Variants in LRSAM1 observed in about 807,000 individuals in gnomAD.
The protein encoded by LRSAM1 is E3 ubiquitin-protein ligase LRSAM1.
Under a neutral mutation model 118.1 loss-of-function variants are expected in LRSAM1, and 96 were observed. That is an observed-to-expected ratio of 0.81 (90% confidence interval 0.69 to 0.96). The LOEUF is 0.96. Ranked by LOEUF, LRSAM1 falls within the 40% of genes least tolerant of loss-of-function variation. The pLI is 0.00. For synonymous variants in LRSAM1, 322 were observed against 364.2 expected (o/e 0.88, Z 1.32); for missense variants, 804 against 915.5 (o/e 0.88, Z 1.57).
chr9:127,487,518 G>C, intron 17 of LRSAM1, 158 bp from the exon 18 acceptor site: 2 of 658,502 alleles, frequency 3.0e-6, no homozygotes, highest in South Asian at 1.6e-5. Context: ...GACAGACTCA[G>C]TGTCTGTGGC....
chr9:127,501,289 G>T, intron 25 of LRSAM1, 146 bp downstream of exon 25: 1 of 1,119,900 alleles, frequency 8.9e-7, no homozygotes, highest in Non-Finnish European at 1.2e-6. Flanking sequence ...AAATAAAGAT[G>T]ACCCCTGGTC....
At chr9:127,488,726 G>A (rs972205920) in intron 18 of LRSAM1, among the ~76,000 whole-genome samples, 6 of 151,146 alleles carry the variant, frequency 4.0e-5, no homozygotes, top group East Asian at 3.9e-4. Flanking sequence ...CCTGAGTAGC[G>A]GAGACCACAG....
chr9:127,466,504 A>ATATATATATATATT (rs1554755061), intron 9 of LRSAM1, among the ~76,000 whole-genome samples: 33 of 24,502 alleles, frequency 1.3e-3, no homozygotes, highest in South Asian at 1.6e-3. Context: ...ATATATATAT[A>ATATATATATATATT]TTTTTTTTTT....
In LRSAM1 at chr9:127,485,623, G is replaced by A. The variant is rs915848461; in HGVS notation, c.1160-113G>A. ...AGATAACTATCAGGTAGGTAACCAG[G>A]TGAGGCCTCAAGGCCTGTTCCTCAG... is the stretch of plus-strand genomic sequence containing the variant. On this transcript the variant is annotated intron_variant, in intron 16 of 25. Coordinates refer to ENST00000300417, the MANE Select transcript of LRSAM1 (RefSeq NM_001005373.4). The A allele has an allele frequency of 6.6e-6, 6 of 915,480 alleles. No homozygotes were observed. The Admixed American group carries it at 8.5e-5, about 13-fold the overall frequency. The allele number at this position is 915,480 out of a possible 1,614,324, so 56.7% of individuals were successfully genotyped here.
At chr9:127,501,984 G>A (rs1836409798) in intron 25 of LRSAM1, among the ~76,000 whole-genome samples, 1 of 152,236 alleles carries the variant, frequency 6.6e-6, no homozygotes, top group African/African-American at 2.4e-5. Context: ...TTTGAGCGGA[G>A]CTTGGATCAG....
intron 10 of LRSAM1, among the ~76,000 whole-genome samples, chr9:127,471,472 TAAAAAA>T (rs71380064): frequency 1.6e-4 from 11 of 68,042 alleles, no homozygotes; most frequent in Admixed American, 4.2e-4. Flanking sequence ...CCTTATGTTA[TAAAAAA>T]AAAAAAAAAA....
intron 16 of LRSAM1, among the ~76,000 whole-genome samples, chr9:127,483,726 C>T (rs1398435753): frequency 2.6e-5 from 4 of 152,090 alleles, no homozygotes; most frequent in East Asian, 1.9e-4. Context: ...TACAGTGGTG[C>T]GATCTTGGCT....
chr9:127,454,654 G>A (rs1834449842), intron 3 of LRSAM1, 55 bp downstream of exon 3: 1 of 1,559,852 alleles, frequency 6.4e-7, no homozygotes, highest in Admixed American at 1.7e-5. Context: ...CGGTCCCCAT[G>A]GAGTAGGCCT....
At chr9:127,453,071 CTTTA>C (rs142386230) in intron 2 of LRSAM1, among the ~76,000 whole-genome samples, 312 of 152,186 alleles carry the variant, frequency 2.1e-3, no homozygotes, top group Middle Eastern at 6.8e-3. Context: ...TACTTCTTCA[CTTTA>C]TTTATTTATT....
chr9:127,451,943 G>A lies in LRSAM1; in HGVS notation c.-174G>A, dbSNP rs1834339578. The A allele has an allele frequency of 6.6e-6, 1 of 152,346 alleles. No homozygotes were observed. Among genetic ancestry groups the A allele is most frequent in the Admixed American group, 6.5e-5 (1 of 15,292 alleles). 9.4% of individuals were successfully genotyped at this position (152,346 alleles called of 1,614,324 possible). ...TCTGTTCCCAGCACCTGCCTTTGAA[G>A]GAGACCAGACTCCGGCTCCGCCCGG... On this transcript the variant is annotated 5_prime_UTR_variant, in exon 2 of 26. Transcript: ENST00000300417.
In LRSAM1 at chr9:127,478,918, CTT is replaced by C; in HGVS notation, c.751-10_751-9del. Reference sequence around the variant, plus strand: ...GCTGCCACCCTCTCTTGACCACTGTCTTTTTTTCCTCCCAGAACAGGTTCTCA... The same window carrying C: ...GCTGCCACCCTCTCTTGACCACTGTCTTTTTCCTCCCAGAACAGGTTCTCA... On this transcript the variant is annotated splice_polypyrimidine_tract_variant and intron_variant, in intron 11 of 25. Transcript: ENST00000300417. 6.2e-7 allele frequency: 1 copy of C among 1,614,048 alleles called. No homozygotes were observed.
intron 7 of LRSAM1, 137 bp from the exon 8 acceptor site, chr9:127,461,036 A>G: frequency 1.8e-6 from 1 of 554,454 alleles, no homozygotes; most frequent in Non-Finnish European, 3.4e-6. Flanking sequence ...TTGTATTTTT[A>G]GTAGAGATGG....
intron 9 of LRSAM1, among the ~76,000 whole-genome samples, chr9:127,466,024 T>C (rs1834910036): frequency 6.6e-6 from 1 of 152,184 alleles, no homozygotes; most frequent in Non-Finnish European, 1.5e-5. Flanking sequence ...TAAGAAACAT[T>C]TCTGCCAGGC....
At position 127,479,842 on chromosome 9, in the gene LRSAM1, C is replaced by T; in HGVS notation, c.907C>T (p.Gln303Ter). ...GGACCCCTACCTCCGGCTGCAGGAG[C>T]AGTCCCGGCTGGAGCAGGGCCTGAG... is the stretch of plus-strand genomic sequence containing the variant. ...DEILQTVKEE[Q>*]SRLEQGLSEH... Residue 303 changes from glutamine to a stop codon, truncating the protein, a stop_gained, in exon 14 of 26, where the codon CAG becomes TAG. Transcript: ENST00000300417. LOFTEE classifies it high-confidence loss of function. The T allele has an allele frequency of 6.2e-7, 1 of 1,611,718 alleles. No individual in the cohort carries two copies. Among genetic ancestry groups the T allele is most frequent in the Non-Finnish European group, 8.5e-7 (1 of 1,178,238 alleles).
rs756306033 is a variant in LRSAM1 at position 127,495,401 on chromosome 9, T to C, written c.1681T>C (p.Leu561=). ...TCAACGGCTTTTGAACCAGAAGCCCTTGTCCTTGAAGCTGCAAGTAAGGAC... is the reference window on the plus strand; with the variant it reads ...TCAACGGCTTTTGAACCAGAAGCCCCTGTCCTTGAAGCTGCAAGTAAGGAC... The part of the protein sequence containing the change: ...QYQRLLNQKP[L]SLKLQEEGME... Residue 561 remains leucine, a synonymous_variant, in exon 22 of 26, where the codon TTG becomes CTG. Coordinates refer to ENST00000300417, the MANE Select transcript of LRSAM1 (RefSeq NM_001005373.4). 2 of 1,613,770 alleles carry C rather than the reference T, an allele frequency of 1.2e-6. No homozygotes were observed. The highest frequency in any genetic ancestry group is 2.7e-5 in the African/African-American group (2 of 74,938).
At position 127,473,842 on chromosome 9, in the gene LRSAM1, C is replaced by T. The variant is rs186724786; in HGVS notation, c.661C>T (p.Pro221Ser). Residue 221 changes from proline (P) to serine (S), a missense_variant, in exon 11 of 26, where the codon CCA (proline) becomes TCA (serine). By Grantham distance (74) the Pro-to-Ser change is moderately conservative. Coordinates refer to ENST00000300417, the MANE Select transcript of LRSAM1 (RefSeq NM_001005373.4). ...EYYPPSQYLL[P>S]ILEQDGIENS... is the part of the protein sequence containing the mutation. ...CTACCCCCCTTCTCAGTACTTGCTG[C>T]CAATTCTGGAGCAAGATGGAATCGA... is the stretch of plus-strand genomic sequence containing the variant. 2 of 1,614,220 alleles carry T rather than the reference C, an allele frequency of 1.2e-6. No homozygotes were observed. The highest frequency in any genetic ancestry group is 4.5e-5 in the East Asian group (2 of 44,886).
At position 127,502,751 on chromosome 9, in the gene LRSAM1, A is replaced by C. The variant is rs181016743; in HGVS notation, c.2047-23A>C. Reference sequence around the variant, plus strand: ...CCTGGAACCCGGTAGGGCCAGCCACATGCTCCCGCTCTCCCTCCCCAGGCC... The same window carrying C: ...CCTGGAACCCGGTAGGGCCAGCCACCTGCTCCCGCTCTCCCTCCCCAGGCC... On this transcript the variant is annotated intron_variant, in intron 25 of 25. Transcript: ENST00000300417. 990 of 1,609,298 alleles carry C rather than the reference A, an allele frequency of 6.2e-4. 5 individuals are homozygous for C. In the African/African-American group the frequency reaches 7.8e-3, roughly 13 times the overall value.
intron 21 of LRSAM1, among the ~76,000 whole-genome samples, chr9:127,493,589 A>G (rs912942279): frequency 1.3e-5 from 2 of 152,032 alleles, no homozygotes; most frequent in Admixed American, 6.6e-5. Context: ...TTTCTAGGCA[A>G]TGCTCTCCGA....
At position 127,451,513 on chromosome 9, in the gene LRSAM1, G is replaced by A. The variant is rs983876913; in HGVS notation, c.-345G>A. 1.5e-6 allele frequency: 1 copy of A among 649,858 alleles called. No homozygotes were observed. Among genetic ancestry groups the A allele is most frequent in the Admixed American group, 2.9e-5 (1 of 34,910 alleles). The allele number at this position is 649,858 out of a possible 1,614,324, so 40.3% of individuals were successfully genotyped here. A position where few individuals can be genotyped will look rare whatever the true frequency, so the allele number is the denominator to read the frequency against. Reference sequence around the variant, plus strand: ...AGACGCCCTTGTCGCCATGTTTGTTGTGGGCAGGCGCCTGAGGCTGACGGC... The same window carrying A: ...AGACGCCCTTGTCGCCATGTTTGTTATGGGCAGGCGCCTGAGGCTGACGGC... On this transcript the variant is annotated 5_prime_UTR_variant, in exon 1 of 26. It adds an upstream start codon to the 5' untranslated region. Coordinates refer to ENST00000300417, the MANE Select transcript of LRSAM1 (RefSeq NM_001005373.4).
Sources: allele counts gnomAD v4.1 joint callset (sites outside exome capture counted in the v4.1 genomes callset), GRCh38; gene constraint gnomAD v4.1.1; transcripts MANE v1.5; gene names NCBI Gene and HGNC (gene_info 2026-07-23, HGNC 2026-07-21).